Variants in NSMAF observed in about 807,000 individuals in gnomAD.
NSMAF encodes the protein neutral sphingomyelinase activation associated factor.
A neutral mutation model predicts 134.9 loss-of-function variants in NSMAF; 90 were observed. That is an observed-to-expected ratio of 0.67 (90% CI 0.56 to 0.79). The LOEUF is 0.79. Among genes scored for constraint, NSMAF ranks in the 30% least tolerant of loss-of-function variants. The pLI is 0.00. For synonymous variants in NSMAF, 358 were observed against 389.6 expected (o/e 0.92, Z 0.96); for missense variants, 1,010 against 1,119.0 (o/e 0.90, Z 1.39).
At chr8:58,614,384 A>G (rs894891626) in intron 9 of NSMAF, among the ~76,000 whole-genome samples, 14 of 152,176 alleles carry the variant, frequency 9.2e-5, no homozygotes, top group African/African-American at 3.4e-4. Flanking sequence ...GACTTCAAGT[A>G]TTGTTTTATC....
chr8:58,586,717 T>C, intron 27 of NSMAF, 109 bp from the exon 28 acceptor site: 4 of 831,484 alleles, frequency 4.8e-6, no homozygotes, highest in East Asian at 2.5e-5. Context: ...TTAAACTCTA[T>C]TGTGCAGTAT....
At chr8:58,634,908 C>T (rs1413540907) in intron 5 of NSMAF, among the ~76,000 whole-genome samples, 1 of 152,152 alleles carries the variant, frequency 6.6e-6, no homozygotes, top group Non-Finnish European at 1.5e-5. Context: ...TAGGAAGCTA[C>T]GGGAAGAGCT....
rs138599020 is a variant in NSMAF, at chr8:58,644,677, G to A, written c.60-1604C>T. Among the ~76,000 whole-genome samples the A allele has an allele frequency of 5.1e-3, 782 of 152,272 alleles. 7 individuals are homozygous for A. The highest frequency in any genetic ancestry group is 0.018 in the African/African-American group (728 of 41,544). On this transcript the variant is annotated intron_variant, in intron 1 of 30. Transcript: ENST00000038176. The stretch of plus-strand genomic sequence containing the variant: ...AGAAACAGGCACACATATGTTTAAT[G>A]CGGCACTGTTCACAATAGCAAAGAC...
chr8:58,591,766 T>C (rs1406790236), intron 23 of NSMAF, among the ~76,000 whole-genome samples: 13 of 152,020 alleles, frequency 8.6e-5, no homozygotes. Flanking sequence ...GGATTACAGG[T>C]GTGAGTAACT....
rs150271308 is a variant in NSMAF at position 58,633,906 on chromosome 8, A to G, written c.333+1283T>C. ...TACAAGACCTCTTCTATAAACTATTAAAAAAGTAGGTGGAGGAATTTGGGG... is the reference window on the plus strand; with the variant it reads ...TACAAGACCTCTTCTATAAACTATTGAAAAAGTAGGTGGAGGAATTTGGGG... On this transcript the variant is annotated intron_variant, in intron 5 of 30. Coordinates refer to ENST00000038176, the MANE Select transcript of NSMAF (RefSeq NM_003580.4). Among the ~76,000 whole-genome samples, 1,197 of 152,224 alleles carry G rather than the reference A, an allele frequency of 7.9e-3. 19 individuals are homozygous for G. Among genetic ancestry groups the G allele is most frequent in the African/African-American group, 0.027 (1,118 of 41,532 alleles).
Position 58,584,342 on chromosome 8 carries a change from T to A in NSMAF, c.2660-142A>T, listed in dbSNP as rs550662054. ...TCTATTTTTTCTTGTCTGCTTCCTATAATAAAACCCTTGAATAAATTAAAA... is the reference window on the plus strand; with the variant it reads ...TCTATTTTTTCTTGTCTGCTTCCTAAAATAAAACCCTTGAATAAATTAAAA... On this transcript the variant is annotated intron_variant, in intron 30 of 30. Transcript: ENST00000038176. The A allele has an allele frequency of 2.7e-4, 169 of 632,400 alleles. No homozygotes were observed. The East Asian group carries it at 3.1e-3, about 11-fold the overall frequency. The allele number at this position is 632,400 out of a possible 1,614,324, so 39.2% of individuals were successfully genotyped here.
At chr8:58,612,539 T>C (rs1161156830) in intron 9 of NSMAF, among the ~76,000 whole-genome samples, 1 of 152,216 alleles carries the variant, frequency 6.6e-6, no homozygotes, top group South Asian at 2.1e-4. Flanking sequence ...TGAGCCATTC[T>C]AGTGATCAAA....
intron 19 of NSMAF, among the ~76,000 whole-genome samples, chr8:58,598,749 G>A (rs903483077): frequency 4.6e-5 from 7 of 152,094 alleles, no homozygotes; most frequent in East Asian, 1.9e-4. Flanking sequence ...GGGGCTGGGC[G>A]CAGTGGCTCA....
chr8:58,626,534 G>C (rs1336046949), intron 6 of NSMAF, among the ~76,000 whole-genome samples: 2 of 152,120 alleles, frequency 1.3e-5, no homozygotes, highest in African/African-American at 4.8e-5. Context: ...TTGCTCAAAG[G>C]CCATTATTTC....
Position 58,635,351 on chromosome 8 carries a change from T to C in NSMAF, c.250A>G (p.Lys84Glu). 6.2e-7 allele frequency: 1 copy of C among 1,608,312 alleles called. No homozygotes were observed. ...CCATTTTCTCCATGCTTTCCTATTT[T>C]TATACAGTCTCTCAAAGGAATCTGG... ...IIKIPLRDCI[K>E]IGKHGENGAN... The change falls in exon 4 of 31, where the codon AAA becomes GAA. Residue 84 changes from lysine to glutamate, a missense_variant. Physicochemically the swap from Lys to Glu is moderately conservative, Grantham distance 56. Coordinates refer to ENST00000038176, the MANE Select transcript of NSMAF (RefSeq NM_003580.4).
At chr8:58,627,219 TC>T (rs1257820676) in intron 6 of NSMAF, among the ~76,000 whole-genome samples, 2 of 152,184 alleles carry the variant, frequency 1.3e-5, no homozygotes, top group African/African-American at 4.8e-5. Flanking sequence ...TTTAATTAGG[TC>T]CCGTTTATTT....
At chr8:58,597,286 T>G in intron 21 of NSMAF, 101 bp downstream of exon 21, 1 of 1,046,864 alleles carries the variant, frequency 9.6e-7, no homozygotes, top group Non-Finnish European at 1.4e-6. Context: ...CAATCATCTC[T>G]AAGTAGCACA....
intron 30 of NSMAF, 53 bp downstream of exon 30, chr8:58,585,599 T>C: frequency 2.3e-6 from 3 of 1,309,486 alleles, no homozygotes; most frequent in Non-Finnish European, 3.3e-6. Context: ...AAAGGCAGGC[T>C]TGAGTTCATT....
chr8:58,606,070 G>A, intron 11 of NSMAF, 35 bp from the exon 12 acceptor site: 1 of 867,482 alleles, frequency 1.2e-6, no homozygotes, highest in Non-Finnish European at 1.6e-6. Flanking sequence ...AAAATAAATA[G>A]CATTGTATTC....
chr8:58,624,128 G>A lies in NSMAF; in HGVS notation c.385-348C>T, dbSNP rs985512028. Among the ~76,000 whole-genome samples the A allele has an allele frequency of 1.8e-4, 25 of 136,494 alleles. No individual in the cohort carries two copies. The Admixed American group carries it at 1.9e-3, about 11-fold the overall frequency. The allele number at this position is 136,494 out of a possible 152,430, so 89.5% of individuals were successfully genotyped here. A position where few individuals can be genotyped will look rare whatever the true frequency, so the allele number is the denominator to read the frequency against. ...ACGATCTCGGCTCACTGCAACCTCC[G>A]TCTCCTGGGTTCAAGTGATTCTCCT... On this transcript the variant is annotated intron_variant, in intron 6 of 30. Coordinates refer to ENST00000038176, the MANE Select transcript of NSMAF (RefSeq NM_003580.4).
chr8:58,611,518 G>A (rs1806530355), intron 9 of NSMAF, among the ~76,000 whole-genome samples: 1 of 152,014 alleles, frequency 6.6e-6, no homozygotes, highest in Admixed American at 6.6e-5. Flanking sequence ...GGGTGCAGTG[G>A]GTCAACAAGA....
intron 2 of NSMAF, chr8:58,637,107 C>A: frequency 3.3e-6 from 1 of 305,868 alleles, no homozygotes; most frequent in Non-Finnish European, 6.6e-6. Context: ...TGAAACATTT[C>A]AATCCATTGC....
chr8:58,599,706 G>A, intron 18 of NSMAF, 44 bp downstream of exon 18: 2 of 1,582,412 alleles, frequency 1.3e-6, no homozygotes, highest in Non-Finnish European at 1.7e-6. Flanking sequence ...TGCACTACTT[G>A]GTAAAGCATG....
chr8:58,658,866 G>C (rs1268598377), intron 1 of NSMAF, among the ~76,000 whole-genome samples: 1 of 152,236 alleles, frequency 6.6e-6, no homozygotes, highest in East Asian at 1.9e-4. Context: ...ATGCTGGTGA[G>C]AATGAGTGCT....
Sources: gnomAD v4.1 joint callset for allele counts (sites outside exome capture counted in the v4.1 genomes callset) on GRCh38, gnomAD v4.1.1 for gene constraint, MANE v1.5 for transcripts, NCBI Gene and HGNC (gene_info 2026-07-23, HGNC 2026-07-21) for gene names.